The following LDLRAD3 variants were observed in gnomAD, a reference collection of about 807,000 sequenced individuals.
LDLRAD3 encodes low density lipoprotein receptor class A domain containing 3.
A neutral mutation model predicts 29.4 loss-of-function variants in LDLRAD3; 20 were observed. The ratio of observed to expected loss-of-function variants is 0.68; its 90% CI spans 0.48 to 0.99. The LOEUF (loss-of-function observed/expected upper bound fraction) is 0.99, where lower values mean the gene tolerates loss of function less well. Among genes scored for constraint, LDLRAD3 ranks in the 50% least tolerant of loss-of-function variants. The pLI, the probability that LDLRAD3 is intolerant of heterozygous loss-of-function variation, is 0.00. For missense variants in LDLRAD3, 420 were observed against 454.3 expected (o/e 0.92, Z 0.69); for synonymous variants, 157 against 192.7 (o/e 0.81, Z 1.53).
intron 4 of LDLRAD3, among the ~76,000 whole-genome samples, chr11:36,129,368 G>A (rs1302280229): frequency 1.3e-5 from 2 of 152,180 alleles, no homozygotes; most frequent in African/African-American, 2.4e-5. Context: ...TATGTGGTCT[G>A]GGATTCCCTG....
intron 4 of LDLRAD3, among the ~76,000 whole-genome samples, chr11:36,168,519 T>TA (rs397949912): frequency 3.4e-5 from 5 of 148,874 alleles, no homozygotes; most frequent in African/African-American, 1.2e-4. Flanking sequence ...TTTTTTTTTT[T>TA]ACTGCCTCAG....
chr11:36,143,811 CAAACA>C lies in LDLRAD3; in HGVS notation c.454+45364_454+45368del, dbSNP rs563798998. Among the ~76,000 whole-genome samples the C allele has an allele frequency of 2.8e-3, 433 of 152,260 alleles. 1 individual carries two copies. The highest frequency in any genetic ancestry group is 5.1e-3 in the Non-Finnish European group (345 of 68,020). On this transcript the variant is annotated intron_variant, in intron 4 of 5. Coordinates refer to ENST00000315571, the MANE Select transcript of LDLRAD3 (RefSeq NM_174902.4). ...TCACATTAGATTAGAGCCCACCCTA[CAAACA>C]AAACAAAACAAAAACCTCATTTTAG... is the stretch of plus-strand genomic sequence containing the variant.
At chr11:36,176,693 A>G (rs906951541) in intron 4 of LDLRAD3, among the ~76,000 whole-genome samples, 4 of 152,178 alleles carry the variant, frequency 2.6e-5, no homozygotes, top group Non-Finnish European at 5.9e-5. Flanking sequence ...CGTTAATCTG[A>G]TAGGTTTTCC....
chr11:36,181,339 A>G (rs1199610295), intron 4 of LDLRAD3, among the ~76,000 whole-genome samples: 3 of 152,072 alleles, frequency 2.0e-5, no homozygotes, highest in African/African-American at 7.2e-5. Flanking sequence ...TTTTCCACAA[A>G]TTACTGTGTC....
intron 4 of LDLRAD3, among the ~76,000 whole-genome samples, chr11:36,200,949 A>G (rs960208985): frequency 6.6e-5 from 10 of 152,194 alleles, no homozygotes; most frequent in African/African-American, 1.2e-4. Flanking sequence ...TCCCCAAAAC[A>G]GGATTAGTGG....
intron 2 of LDLRAD3, among the ~76,000 whole-genome samples, chr11:36,058,332 C>T (rs1026631767): frequency 6.6e-6 from 1 of 152,192 alleles, no homozygotes; most frequent in Non-Finnish European, 1.5e-5. Flanking sequence ...GCCACGTCTT[C>T]CTTCACGCTT....
intron 3 of LDLRAD3, among the ~76,000 whole-genome samples, chr11:36,083,735 T>TACACACACACAC (rs59333454): frequency 1.6e-5 from 2 of 126,792 alleles, no homozygotes; most frequent in African/African-American, 6.1e-5. Flanking sequence ...AGGGAGAAAT[T>TACACACACACAC]ACACACACAC....
chr11:35,952,466 A>G (rs1307404743), intron 1 of LDLRAD3, among the ~76,000 whole-genome samples: 1 of 152,202 alleles, frequency 6.6e-6, no homozygotes, highest in Non-Finnish European at 1.5e-5. Context: ...GGCAGATAGA[A>G]ACTGCTGTTC....
chr11:36,182,551 C>G (rs973774735), intron 4 of LDLRAD3, among the ~76,000 whole-genome samples: 1 of 152,158 alleles, frequency 6.6e-6, no homozygotes, highest in Non-Finnish European at 1.5e-5. Context: ...TTCAAGAAGA[C>G]AGGGAGTGAG....
chr11:36,067,027 C>G (rs1852806482), intron 2 of LDLRAD3, among the ~76,000 whole-genome samples: 1 of 152,202 alleles, frequency 6.6e-6, no homozygotes, highest in South Asian at 2.1e-4. Flanking sequence ...CAAGCCATAA[C>G]CTGTTTCAAC....
chr11:35,983,075 A>C (rs1002527236), intron 1 of LDLRAD3, among the ~76,000 whole-genome samples: 22 of 151,726 alleles, frequency 1.4e-4, no homozygotes, highest in African/African-American at 5.1e-4. Flanking sequence ...GCTGGTCTTG[A>C]ACTCCTGACC....
At chr11:36,032,011 C>T (rs535425062) in intron 1 of LDLRAD3, among the ~76,000 whole-genome samples, 18 of 152,254 alleles carry the variant, frequency 1.2e-4, no homozygotes, top group Non-Finnish European at 8.8e-5. Flanking sequence ...AATGAGTGGT[C>T]GTCTTTTCCC....
At chr11:36,045,142 G>A (rs577390879) in intron 2 of LDLRAD3, among the ~76,000 whole-genome samples, 1 of 152,204 alleles carries the variant, frequency 6.6e-6, no homozygotes, top group African/African-American at 2.4e-5. Flanking sequence ...CAGTTCAGAT[G>A]TTGGAATCAC....
rs115998632 is a variant in LDLRAD3, at chr11:36,198,855, A to C, written c.455-28230A>C. ...TTATCTGGAATGAAAGCCTCTGTTT[A>C]CACATTTGGAGGAAAAATGTATCCA... On this transcript the variant is annotated intron_variant, in intron 4 of 5. Coordinates refer to ENST00000315571, the MANE Select transcript of LDLRAD3 (RefSeq NM_174902.4). 6.6e-3 allele frequency among the ~76,000 whole-genome samples: 1,006 copies of C among 152,288 alleles called. 16 individuals are homozygous for C. Among genetic ancestry groups the C allele is most frequent in the African/African-American group, 0.023 (973 of 41,574 alleles).
chr11:36,227,251 C>T lies in LDLRAD3; in HGVS notation c.621C>T (p.Pro207=), dbSNP rs369754473. 13 of 1,614,066 alleles carry T rather than the reference C, an allele frequency of 8.1e-6. No individual in the cohort carries two copies. Among genetic ancestry groups the T allele is most frequent in the East Asian group, 2.2e-5 (1 of 44,874 alleles). ...AGCGGAACAACCTCATGACGCTGCC[C>T]GTGCACCGGCTGCAGCACCCTGTGC... ...QRKRNNLMTL[P]VHRLQHPVLL... The change falls in exon 5 of 6, where the codon CCC becomes CCT. Residue 207 remains proline (P), a synonymous_variant. Transcript: ENST00000315571.
At chr11:36,081,116 C>T (rs1853106678) in intron 2 of LDLRAD3, among the ~76,000 whole-genome samples, 1 of 152,152 alleles carries the variant, frequency 6.6e-6, no homozygotes, top group Non-Finnish European at 1.5e-5. Context: ...CAAGGAAGAG[C>T]CAACCTTGCA....
At chr11:36,051,882 C>T (rs1394363316) in intron 2 of LDLRAD3, among the ~76,000 whole-genome samples, 1 of 152,186 alleles carries the variant, frequency 6.6e-6, no homozygotes, top group Non-Finnish European at 1.5e-5. Flanking sequence ...AGGGACAGTG[C>T]CCAACCAGTA....
intron 4 of LDLRAD3, among the ~76,000 whole-genome samples, chr11:36,130,167 G>A (rs1441619081): frequency 2.0e-5 from 3 of 152,170 alleles, no homozygotes; most frequent in Non-Finnish European, 2.9e-5. Flanking sequence ...GTGATGATTC[G>A]TGTAAGGAAA....
At chr11:36,092,843 A>G (rs1853303424) in intron 3 of LDLRAD3, among the ~76,000 whole-genome samples, 1 of 152,210 alleles carries the variant, frequency 6.6e-6, no homozygotes, top group Non-Finnish European at 1.5e-5. Context: ...CTTTCAAGGC[A>G]TGAACATTGT....
Sources: allele counts gnomAD v4.1 joint callset (sites outside exome capture counted in the v4.1 genomes callset), GRCh38; gene constraint gnomAD v4.1.1; transcripts MANE v1.5; gene names NCBI Gene and HGNC (gene_info 2026-07-23, HGNC 2026-07-21).